Variants in CNTNAP3 observed in about 807,000 individuals in gnomAD.
The protein encoded by CNTNAP3 is contactin-associated protein-like 3.
In CNTNAP3, 36 loss-of-function variants were observed where a neutral mutation model predicts 92.1. That is an observed-to-expected ratio of 0.39 (90% CI 0.30 to 0.52). The LOEUF is 0.52. Ranked by LOEUF, CNTNAP3 falls within the 20% of genes least tolerant of loss-of-function variation. The pLI, the probability that CNTNAP3 is intolerant of heterozygous loss-of-function variation, is 0.76. For missense variants in CNTNAP3, 534 were observed against 1,069.6 expected (o/e 0.50, Z 6.98); for synonymous variants, 232 against 422.3 (o/e 0.55, Z 5.53).
At chr9:39,146,855 C>G (rs1220936704) in intron 10 of CNTNAP3, among the ~76,000 whole-genome samples, 6 of 152,086 alleles carry the variant, frequency 3.9e-5, no homozygotes, top group Admixed American at 3.9e-4. Flanking sequence ...ATTTTTAGGT[C>G]TGGTATTTGA....
intron 15 of CNTNAP3, among the ~76,000 whole-genome samples, chr9:39,105,633 T>G (rs1826585803): frequency 2.0e-5 from 3 of 152,124 alleles, no homozygotes; most frequent in Admixed American, 6.5e-5. Flanking sequence ...CTTTTTCAGC[T>G]TTTTCTTTCC....
chr9:39,184,016 C>T lies in CNTNAP3; in HGVS notation c.539-5656G>A, dbSNP rs186374676. 2.2e-4 allele frequency among the ~76,000 whole-genome samples: 33 copies of T among 148,428 alleles called. 1 individual carries two copies. The highest frequency in any genetic ancestry group is 4.7e-4 in the Admixed American group (7 of 15,022). On this transcript the variant is annotated intron_variant, in intron 4 of 23. Coordinates refer to ENST00000297668, the MANE Select transcript of CNTNAP3 (RefSeq NM_033655.5). ...GTTCCAAAATTTCATAAAATTGTATCGTGTATGTGTTCTTTTGTGTCTGCG... is the reference window on the plus strand; with the variant it reads ...GTTCCAAAATTTCATAAAATTGTATTGTGTATGTGTTCTTTTGTGTCTGCG...
chr9:39,101,376 T>C (rs1174815299), intron 17 of CNTNAP3, among the ~76,000 whole-genome samples: 1 of 152,026 alleles, frequency 6.6e-6, no homozygotes, highest in Non-Finnish European at 1.5e-5. Flanking sequence ...ATTGCATCCT[T>C]ATTCACTTTA....
At chr9:39,082,809 G>GC (rs759449502) in intron 21 of CNTNAP3, among the ~76,000 whole-genome samples, 12 of 152,286 alleles carry the variant, frequency 7.9e-5, no homozygotes, top group Non-Finnish European at 1.8e-4. Context: ...ACCCATCACT[G>GC]CCCCGTAAGG....
intron 14 of CNTNAP3, among the ~76,000 whole-genome samples, chr9:39,111,078 C>G (rs1037323522): frequency 6.6e-6 from 1 of 152,108 alleles, no homozygotes; most frequent in African/African-American, 2.4e-5. Context: ...TGTACATATA[C>G]TGGGGGCACA....
intron 13 of CNTNAP3, among the ~76,000 whole-genome samples, chr9:39,120,677 A>G (rs1318470450): frequency 1.3e-5 from 2 of 152,186 alleles, no homozygotes; most frequent in African/African-American, 4.8e-5. Flanking sequence ...CTCCAAAACA[A>G]TAACAACAAC....
chr9:39,142,760 G>C (rs1201712829), intron 11 of CNTNAP3, among the ~76,000 whole-genome samples: 2 of 152,002 alleles, frequency 1.3e-5, no homozygotes, highest in African/African-American at 4.8e-5. Flanking sequence ...CAATCTGTGA[G>C]AGTCACTCCT....
At chr9:39,109,424 C>T (rs963433674) in intron 14 of CNTNAP3, 137 bp from the exon 15 acceptor site, 6 of 1,397,960 alleles carry the variant, frequency 4.3e-6, no homozygotes, top group South Asian at 1.4e-5. Context: ...ATTTTGAGAG[C>T]ACAGAGACTA....
At chr9:39,151,692 C>T (rs773605403) in intron 9 of CNTNAP3, among the ~76,000 whole-genome samples, 15 of 147,374 alleles carry the variant, frequency 1.0e-4, no homozygotes, top group Non-Finnish European at 2.3e-4. Context: ...GAAAGAGGCA[C>T]CTCATTTCAT....
intron 9 of CNTNAP3, among the ~76,000 whole-genome samples, chr9:39,162,531 C>T (rs375835296): frequency 4.5e-5 from 2 of 44,490 alleles, no homozygotes; most frequent in Admixed American, 2.5e-4. Context: ...GACACACAGA[C>T]GTGCATGTTC....
intron 19 of CNTNAP3, among the ~76,000 whole-genome samples, chr9:39,087,248 CT>C (rs1826080770): frequency 6.6e-6 from 1 of 151,138 alleles, no homozygotes; most frequent in Admixed American, 6.6e-5. Flanking sequence ...ATTATAACTT[CT>C]AATAAGGCTC....
At chr9:39,139,310 A>AT (rs955502869) in intron 12 of CNTNAP3, among the ~76,000 whole-genome samples, 1 of 152,128 alleles carries the variant, frequency 6.6e-6, no homozygotes, top group African/African-American at 2.4e-5. Context: ...CACCAAGACC[A>AT]TTTTTATGGG....
rs1451382986 is a variant in CNTNAP3, at chr9:39,070,706, T to C, written c.*3184A>G. Among the ~76,000 whole-genome samples, 12 of 152,378 alleles carry C rather than the reference T, an allele frequency of 7.9e-5. No individual in the cohort carries two copies. Among genetic ancestry groups the C allele is most frequent in the African/African-American group, 2.9e-4 (12 of 41,600 alleles). ...TTGTTTGTAACACAAAGGATAAATG[T>C]TGAGGGGATGGATACCCCATTCTCC... On this transcript the variant is annotated 3_prime_UTR_variant, in exon 24 of 24. Transcript: ENST00000297668.
rs1029327304 is a variant in CNTNAP3, at chr9:39,066,920, T to C, written c.*6970A>G. Among the ~76,000 whole-genome samples the C allele has an allele frequency of 2.0e-3, 308 of 152,278 alleles. 2 individuals carry two copies. The highest frequency in any genetic ancestry group is 7.1e-3 in the African/African-American group (296 of 41,506). ...ATCAAATGTGGAAAATGCTTATGTA[T>C]TAATTTTTAAAAATATTTTTTTCTA... On this transcript the variant is annotated 3_prime_UTR_variant, in exon 24 of 24. Transcript: ENST00000297668.
At chr9:39,090,538 A>C (rs1289416669) in intron 18 of CNTNAP3, among the ~76,000 whole-genome samples, 2 of 152,296 alleles carry the variant, frequency 1.3e-5, no homozygotes, top group Non-Finnish European at 1.5e-5. Context: ...ATAAATGGCG[A>C]GGTATCTATC....
chr9:39,076,290 C>T (rs1446287891), intron 23 of CNTNAP3, among the ~76,000 whole-genome samples: 4 of 152,294 alleles, frequency 2.6e-5, no homozygotes, highest in African/African-American at 9.6e-5. Flanking sequence ...GGAAACCTAG[C>T]GTGAAAATGT....
At chr9:39,079,016 C>T in intron 21 of CNTNAP3, 96 bp from the exon 22 acceptor site, 1 of 1,491,360 alleles carries the variant, frequency 6.7e-7, no homozygotes, top group Admixed American at 2.0e-5. Flanking sequence ...CTCGTTCCTT[C>T]ACTCCAGGAG....
intron 21 of CNTNAP3, among the ~76,000 whole-genome samples, chr9:39,083,889 G>C (rs1826006037): frequency 6.6e-6 from 1 of 151,730 alleles, no homozygotes; most frequent in African/African-American, 2.4e-5. Context: ...ACTCTGAATT[G>C]ATCTTGTGAT....
chr9:39,118,101 A>G lies in CNTNAP3; in HGVS notation c.2237+2T>C. On this transcript the variant is annotated splice_donor_variant, in intron 14 of 23. Coordinates refer to ENST00000297668, the MANE Select transcript of CNTNAP3 (RefSeq NM_033655.5). LOFTEE classifies it high-confidence loss of function. ...TGTGCAGGGAAATCATGTGGAAATCACCATTCATTCCGGCCAGCATCACAG... is the reference window on the plus strand; with the variant it reads ...TGTGCAGGGAAATCATGTGGAAATCGCCATTCATTCCGGCCAGCATCACAG... 6.2e-7 allele frequency: 1 copy of G among 1,603,004 alleles called. No homozygotes were observed. The highest frequency in any genetic ancestry group is 1.1e-5 in the South Asian group (1 of 89,826).
Sources: gnomAD v4.1 joint callset for allele counts (sites outside exome capture counted in the v4.1 genomes callset) on GRCh38, gnomAD v4.1.1 for gene constraint, MANE v1.5 for transcripts, NCBI Gene and HGNC (gene_info 2026-07-23, HGNC 2026-07-21) for gene names.